TXNDC16: variants seen among roughly 807,000 people sequenced by gnomAD.
TXNDC16 encodes the protein thioredoxin domain containing 16.
In TXNDC16, 74 loss-of-function variants were observed where a neutral mutation model predicts 85.6. The observed-to-expected ratio is 0.86, with a 90% confidence interval of 0.72 to 1.05. The LOEUF (loss-of-function observed/expected upper bound fraction) is 1.05, where lower values mean the gene tolerates loss of function less well. Among genes scored for constraint, TXNDC16 ranks in the 50% least tolerant of loss-of-function variants. The pLI is 0.00. For synonymous variants in TXNDC16, 335 were observed against 326.5 expected (o/e 1.03, Z -0.28); for missense variants, 959 against 947.0 (o/e 1.01, Z -0.17).
chr14:52,484,200 G>GC lies in TXNDC16; in HGVS notation c.1109-1236_1109-1235insG, dbSNP rs1034997472. Among the ~76,000 whole-genome samples the GC allele has an allele frequency of 1.5e-4, 14 of 92,784 alleles. No homozygotes were observed. In the East Asian group the frequency reaches 2.3e-3, roughly 15 times the overall value. 60.9% of individuals were successfully genotyped at this position (92,784 alleles called of 152,430 possible). ...TTTGGATTTGCTACAAAACAATAAGGGGGGGGGGTGATTGGAGCAGAATGA... is the reference window on the plus strand; with the variant it reads ...TTTGGATTTGCTACAAAACAATAAGGCGGGGGGGGTGATTGGAGCAGAATGA... On this transcript the variant is annotated intron_variant, in intron 12 of 20. Transcript: ENST00000281741.
intron 14 of TXNDC16, among the ~76,000 whole-genome samples, chr14:52,471,459 A>T (rs2035905378): frequency 6.6e-6 from 1 of 152,180 alleles, no homozygotes; most frequent in Admixed American, 6.5e-5. Context: ...TGCAGAATTA[A>T]ATCTTTCTTA....
chr14:52,488,562 G>A (rs913907776), intron 11 of TXNDC16, 76 bp from the exon 12 acceptor site: 7 of 1,255,506 alleles, frequency 5.6e-6, no homozygotes, highest in Middle Eastern at 2.6e-4. Flanking sequence ...TGGGCCAGGT[G>A]TGGTGGCTCA....
At chr14:52,543,750 C>T (rs2037884612) in intron 2 of TXNDC16, 120 bp from the exon 3 acceptor site, 1 of 548,850 alleles carries the variant, frequency 1.8e-6, no homozygotes, top group East Asian at 3.8e-5. Context: ...TAGTACTTTA[C>T]TATATCATAA....
intron 14 of TXNDC16, among the ~76,000 whole-genome samples, chr14:52,474,257 C>T (rs928088607): frequency 6.6e-6 from 1 of 152,188 alleles, no homozygotes; most frequent in Admixed American, 6.5e-5. Context: ...GATAATTAAT[C>T]ATATTCTTGA....
At chr14:52,545,942 G>C (rs897740411) in intron 1 of TXNDC16, among the ~76,000 whole-genome samples, 2 of 152,100 alleles carry the variant, frequency 1.3e-5, no homozygotes, top group African/African-American at 4.8e-5. Context: ...AAGGTACTTG[G>C]TGACTTTTTT....
At chr14:52,445,128 C>A (rs892708945) in intron 18 of TXNDC16, among the ~76,000 whole-genome samples, 3 of 152,044 alleles carry the variant, frequency 2.0e-5, no homozygotes, top group Non-Finnish European at 4.4e-5. Context: ...TTATAATTTT[C>A]TTCTTTATCC....
At chr14:52,445,598 C>T (rs1196550209) in intron 18 of TXNDC16, among the ~76,000 whole-genome samples, 1 of 152,200 alleles carries the variant, frequency 6.6e-6, no homozygotes, top group Non-Finnish European at 1.5e-5. Flanking sequence ...CACTATTATA[C>T]AGTCATGCAT....
At chr14:52,529,504 TA>T (rs1225231074) in intron 6 of TXNDC16, among the ~76,000 whole-genome samples, 19 of 112,566 alleles carry the variant, frequency 1.7e-4, no homozygotes, top group African/African-American at 4.4e-4. Flanking sequence ...CTATATATTA[TA>T]TATAATGCCT....
At chr14:52,498,405 T>TCACACACA (rs140586435) in intron 9 of TXNDC16, among the ~76,000 whole-genome samples, 1 of 146,208 alleles carries the variant, frequency 6.8e-6, no homozygotes, top group Non-Finnish European at 1.5e-5. Flanking sequence ...ACCCTAAAGA[T>TCACACACA]CACACACACA....
intron 9 of TXNDC16, among the ~76,000 whole-genome samples, chr14:52,499,511 A>G (rs1262914660): frequency 6.6e-6 from 1 of 152,116 alleles, no homozygotes; most frequent in African/African-American, 2.4e-5. Context: ...ACAAATGGCC[A>G]AGCATATGAG....
chr14:52,485,318 C>A (rs971694317), intron 12 of TXNDC16, among the ~76,000 whole-genome samples: 1 of 152,076 alleles, frequency 6.6e-6, no homozygotes, highest in Non-Finnish European at 1.5e-5. Context: ...TTTTGTACAG[C>A]TGTATGATGT....
At chr14:52,452,143 G>A (rs1352895277) in intron 18 of TXNDC16, among the ~76,000 whole-genome samples, 5 of 151,986 alleles carry the variant, frequency 3.3e-5, no homozygotes, top group East Asian at 1.9e-4. Flanking sequence ...AGATCTCTAC[G>A]ATGAAAACTA....
At chr14:52,485,606 A>C (rs1173193816) in intron 12 of TXNDC16, among the ~76,000 whole-genome samples, 1 of 152,152 alleles carries the variant, frequency 6.6e-6, no homozygotes, top group African/African-American at 2.4e-5. Flanking sequence ...TTTATCTTTT[A>C]TACCATGTTT....
At chr14:52,450,295 T>G in intron 18 of TXNDC16, among the ~76,000 whole-genome samples, 1 of 151,984 alleles carries the variant, frequency 6.6e-6, no homozygotes, top group Non-Finnish European at 1.5e-5. Flanking sequence ...TAGTAGCTAC[T>G]ATGAGCAACT....
rs529858931 is a variant in TXNDC16, at chr14:52,438,827, C to T, written c.2194+377G>A. ...TGGCATGCACATGGAAAAAGCTGCA[C>T]AAGAAATATCTTCTGAAATCTACAA... On this transcript the variant is annotated intron_variant, in intron 20 of 20. Coordinates refer to ENST00000281741, the MANE Select transcript of TXNDC16 (RefSeq NM_020784.3). 1.5e-3 allele frequency among the ~76,000 whole-genome samples: 222 copies of T among 152,228 alleles called. 1 individual carries two copies. Among genetic ancestry groups the T allele is most frequent in the African/African-American group, 5.1e-3 (210 of 41,544 alleles).
At chr14:52,514,570 T>C (rs1328760505) in intron 8 of TXNDC16, among the ~76,000 whole-genome samples, 1 of 152,156 alleles carries the variant, frequency 6.6e-6, no homozygotes, top group Non-Finnish European at 1.5e-5. Context: ...AAGCTGTTAT[T>C]TTACCCCCTA....
At chr14:52,467,963 G>A (rs1395747762) in intron 16 of TXNDC16, among the ~76,000 whole-genome samples, 1 of 152,184 alleles carries the variant, frequency 6.6e-6, no homozygotes, top group Non-Finnish European at 1.5e-5. Context: ...GATGAACCCT[G>A]AAGACATTAT....
intron 9 of TXNDC16, among the ~76,000 whole-genome samples, chr14:52,504,514 A>G (rs7147165): frequency 0.096 from 14,660 of 152,162 alleles, 814 homozygotes; most frequent in East Asian, 0.17. Flanking sequence ...ACAGACAAGC[A>G]AATGCTGAGA....
chr14:52,551,424 G>C (rs904352999), intron 1 of TXNDC16, among the ~76,000 whole-genome samples: 7 of 146,364 alleles, frequency 4.8e-5, no homozygotes, highest in African/African-American at 1.0e-4. Context: ...GGTTTGTAGT[G>C]AACTGTCACT....
Sources: gnomAD v4.1 joint callset for allele counts (sites outside exome capture counted in the v4.1 genomes callset) on GRCh38, gnomAD v4.1.1 for gene constraint, MANE v1.5 for transcripts, NCBI Gene and HGNC (gene_info 2026-07-23, HGNC 2026-07-21) for gene names.